The following MAGI2 variants were observed in gnomAD, a reference collection of about 807,000 sequenced individuals.
MAGI2 encodes membrane-associated guanylate kinase, WW and PDZ domain-containing protein 2.
A neutral mutation model predicts 133.3 loss-of-function variants in MAGI2; 35 were observed. That is an observed-to-expected ratio of 0.26 (90% confidence interval 0.20 to 0.35). The LOEUF is 0.35. Ranked by LOEUF, MAGI2 falls within the 10% of genes least tolerant of loss-of-function variation. The probability of loss-of-function intolerance (pLI) is 1.00; values close to 1 mark genes in which losing one functional copy is unlikely to be tolerated. For synonymous variants in MAGI2, 729 were observed against 710.6 expected (o/e 1.03, Z -0.41); for missense variants, 1,636 against 1,863.4 (o/e 0.88, Z 2.25).
In MAGI2 at chr7:79,171,770, A is replaced by ATATATATATATATATTTTTTTTTTT; in HGVS notation, c.302-164565_302-164564insAAAAAAAAAAATATATATATATATA. 2.6e-4 allele frequency among the ~76,000 whole-genome samples: 8 copies of ATATATATATATATATTTTTTTTTTT among 31,212 alleles called. 1 individual carries two copies. Among genetic ancestry groups the ATATATATATATATATTTTTTTTTTT allele is most frequent in the Non-Finnish European group, 7.8e-4 (7 of 8,998 alleles). The allele number at this position is 31,212 out of a possible 152,430, so 20.5% of individuals were successfully genotyped here. ...TATATATATATATATATATATATAT[A>ATATATATATATATATTTTTTTTTTT]TTTTTTTTTTTTTTTTCTTTTAAAG... On this transcript the variant is annotated intron_variant, in intron 1 of 21. Coordinates refer to ENST00000354212, the MANE Select transcript of MAGI2 (RefSeq NM_012301.4).
intron 5 of MAGI2, among the ~76,000 whole-genome samples, chr7:78,496,467 G>A (rs1794095987): frequency 6.6e-6 from 1 of 152,202 alleles, no homozygotes; most frequent in African/African-American, 2.4e-5. Context: ...CCCAAAGCAC[G>A]TCAATCCAGA....
chr7:78,600,173 G>T (rs935637516), intron 3 of MAGI2, among the ~76,000 whole-genome samples: 1 of 151,878 alleles, frequency 6.6e-6, no homozygotes, highest in Non-Finnish European at 1.5e-5. Context: ...AATACATAAA[G>T]AATTAAACAC....
chr7:78,106,171 A>T (rs1229381403), intron 20 of MAGI2, among the ~76,000 whole-genome samples: 2 of 152,108 alleles, frequency 1.3e-5, no homozygotes, highest in Non-Finnish European at 2.9e-5. Context: ...AGTTCCATTC[A>T]TGTTGCAAAC....
intron 2 of MAGI2, among the ~76,000 whole-genome samples, chr7:79,001,111 T>A (rs1469568139): frequency 6.6e-6 from 1 of 152,130 alleles, no homozygotes; most frequent in Non-Finnish European, 1.5e-5. Flanking sequence ...GAAATGGGGT[T>A]TCACCATGTT....
intron 20 of MAGI2, among the ~76,000 whole-genome samples, chr7:78,111,255 TTTCAGATCACAGCAGTGGTTTGTAA>T (rs1479749343): frequency 4.6e-5 from 7 of 152,252 alleles, no homozygotes; most frequent in Non-Finnish European, 8.8e-5. Flanking sequence ...AAGTGTATTT[TTTCAGATCACAGCAGTGGTTTGTAA>T]ACTTTCTCGT....
chr7:78,036,943 G>A (rs895675557), intron 21 of MAGI2, among the ~76,000 whole-genome samples: 2 of 152,128 alleles, frequency 1.3e-5, no homozygotes, highest in African/African-American at 4.8e-5. Flanking sequence ...TTAAGCTCCT[G>A]TAAGGAGAGA....
At chr7:78,192,494 T>C (rs1397530862) in intron 12 of MAGI2, among the ~76,000 whole-genome samples, 3 of 150,250 alleles carry the variant, frequency 2.0e-5, no homozygotes, top group Non-Finnish European at 4.4e-5. Flanking sequence ...AACTTGGAAA[T>C]GGAAACGTAC....
intron 10 of MAGI2, among the ~76,000 whole-genome samples, chr7:78,216,445 T>G (rs1286723823): frequency 6.6e-6 from 1 of 152,218 alleles, no homozygotes; most frequent in African/African-American, 2.4e-5. Context: ...TCCCCATGCT[T>G]GTAAGAACAA....
rs1206027620 is a variant in MAGI2 at position 78,870,759 on chromosome 7, G to GAAAAAGA, written c.418+136330_418+136331insTCTTTTT. Among the ~76,000 whole-genome samples, 7 of 152,214 alleles carry GAAAAAGA rather than the reference G, an allele frequency of 4.6e-5. No homozygotes were observed. The South Asian group carries it at 1.2e-3, about 27-fold the overall frequency. ...AAGACACTTGCACAATCATGTTTTA[G>GAAAAAGA]CAGCACAATTCACAATTGCAAAAAT... On this transcript the variant is annotated intron_variant, in intron 2 of 21. Coordinates refer to ENST00000354212, the MANE Select transcript of MAGI2 (RefSeq NM_012301.4).
chr7:78,918,977 G>C (rs182775709), intron 2 of MAGI2, among the ~76,000 whole-genome samples: 1 of 152,066 alleles, frequency 6.6e-6, no homozygotes, highest in Non-Finnish European at 1.5e-5. Flanking sequence ...ATCTAAAACA[G>C]TTCCATAAAA....
intron 7 of MAGI2, chr7:78,359,134 T>A (rs1376911389): frequency 6.6e-6 from 1 of 152,242 alleles, no homozygotes; most frequent in Non-Finnish European, 1.5e-5. Context: ...GACCTACTTG[T>A]TCAGGACAGA....
At chr7:78,669,499 G>A (rs1327629298) in intron 2 of MAGI2, among the ~76,000 whole-genome samples, 1 of 152,110 alleles carries the variant, frequency 6.6e-6, no homozygotes, top group Non-Finnish European at 1.5e-5. Context: ...GGTACAAGGA[G>A]GAGCTGGTAC....
At chr7:79,160,801 C>A (rs554076715) in intron 1 of MAGI2, among the ~76,000 whole-genome samples, 2 of 152,040 alleles carry the variant, frequency 1.3e-5, no homozygotes, top group Non-Finnish European at 2.9e-5. Flanking sequence ...ATCAGACAGG[C>A]TTTATGATAA....
At chr7:78,877,810 T>A (rs1795544968) in intron 2 of MAGI2, among the ~76,000 whole-genome samples, 1 of 152,242 alleles carries the variant, frequency 6.6e-6, no homozygotes, top group South Asian at 2.1e-4. Context: ...TGATTTAATT[T>A]AACATCAGGA....
chr7:78,556,902 CA>C (rs1799873145), intron 3 of MAGI2, among the ~76,000 whole-genome samples: 1 of 146,874 alleles, frequency 6.8e-6, no homozygotes, highest in South Asian at 2.2e-4. Context: ...TCCTGGCTAA[CA>C]TGGTGAAACC....
intron 2 of MAGI2, among the ~76,000 whole-genome samples, chr7:78,875,483 T>C (rs1203670135): frequency 6.6e-6 from 1 of 152,192 alleles, no homozygotes; most frequent in African/African-American, 2.4e-5. Context: ...ACTATAAAAT[T>C]GGCGGCTTGA....
chr7:78,067,069 T>A (rs1357981213), intron 21 of MAGI2, among the ~76,000 whole-genome samples: 1 of 152,046 alleles, frequency 6.6e-6, no homozygotes, highest in Non-Finnish European at 1.5e-5. Flanking sequence ...CACCTCGAGG[T>A]TAAATGGAAA....
intron 2 of MAGI2, among the ~76,000 whole-genome samples, chr7:78,840,281 A>G (rs1792016889): frequency 6.6e-6 from 1 of 152,048 alleles, no homozygotes; most frequent in African/African-American, 2.4e-5. Flanking sequence ...AGTTAAATCT[A>G]TATAATTGGT....
At chr7:78,910,287 A>G (rs1563653214) in intron 2 of MAGI2, among the ~76,000 whole-genome samples, 1 of 149,000 alleles carries the variant, frequency 6.7e-6, no homozygotes, top group Non-Finnish European at 1.5e-5. Flanking sequence ...TTTTTAAAGG[A>G]AAAAGAATTG....
Sources: gnomAD v4.1 joint callset for allele counts (sites outside exome capture counted in the v4.1 genomes callset) on GRCh38, gnomAD v4.1.1 for gene constraint, MANE v1.5 for transcripts, NCBI Gene and HGNC (gene_info 2026-07-23, HGNC 2026-07-21) for gene names.